ADAMTSL1: variants seen among roughly 807,000 people sequenced by gnomAD.
ADAMTSL1 encodes the protein ADAMTS-like protein 1.
A neutral mutation model predicts 201.8 loss-of-function variants in ADAMTSL1; 126 were observed. The observed-to-expected ratio is 0.62, with a 90% CI of 0.54 to 0.72. The LOEUF (loss-of-function observed/expected upper bound fraction) is 0.72. ADAMTSL1 is among the 30% of genes least tolerant of loss of function. ADAMTSL1 has a pLI of 0.00. For synonymous variants in ADAMTSL1, 1,121 were observed against 903.4 expected, an observed-to-expected ratio of 1.24 and a Z score of -4.32; for missense variants, 2,679 against 2,277.8, an observed-to-expected ratio of 1.18 and a Z score of -3.59.
At chr9:18,477,997 G>A (rs1432638404) in intron 1 of ADAMTSL1, among the ~76,000 whole-genome samples, 1 of 152,168 alleles carries the variant, frequency 6.6e-6, no homozygotes, top group Admixed American at 6.5e-5. Context: ...GAGAGACAAA[G>A]AGAATGAATA....
chr9:18,409,989 G>C (rs1487460373), intron 2 of ADAMTSL1, among the ~76,000 whole-genome samples: 1 of 151,276 alleles, frequency 6.6e-6, no homozygotes, highest in East Asian at 1.9e-4. Flanking sequence ...AAGTATCTTT[G>C]CTTTCTTCCT....
At chr9:17,998,875 G>T (rs1475990109) in intron 1 of ADAMTSL1, among the ~76,000 whole-genome samples, 1 of 151,994 alleles carries the variant, frequency 6.6e-6, no homozygotes, top group African/African-American at 2.4e-5. Flanking sequence ...CAGAAATCAA[G>T]CATATGTTCA....
At chr9:18,723,224 T>C in intron 15 of ADAMTSL1, 3 of 655,798 alleles carry the variant, frequency 4.6e-6, no homozygotes, top group Non-Finnish European at 8.3e-6. Flanking sequence ...ATTCTTTATT[T>C]TGTAGGCAGA....
At chr9:18,860,318 C>T (rs959636380) in intron 23 of ADAMTSL1, among the ~76,000 whole-genome samples, 3 of 152,196 alleles carry the variant, frequency 2.0e-5, no homozygotes, top group African/African-American at 4.8e-5. Flanking sequence ...CTCATACCCT[C>T]GACCAGGGGT....
chr9:18,563,404 C>G (rs992872649), intron 3 of ADAMTSL1, among the ~76,000 whole-genome samples: 1 of 152,138 alleles, frequency 6.6e-6, no homozygotes, highest in African/African-American at 2.4e-5. Flanking sequence ...AGAGGGGCAC[C>G]CACCAGATGC....
At chr9:18,358,976 G>A (rs1836379880) in intron 2 of ADAMTSL1, among the ~76,000 whole-genome samples, 1 of 152,080 alleles carries the variant, frequency 6.6e-6, no homozygotes, top group Non-Finnish European at 1.5e-5. Flanking sequence ...TGGGGTAGGG[G>A]TTGGGAGTGT....
chr9:18,071,560 A>G (rs952739553), intron 1 of ADAMTSL1, among the ~76,000 whole-genome samples: 2 of 152,252 alleles, frequency 1.3e-5, no homozygotes, highest in African/African-American at 2.4e-5. Context: ...GAATGCTAAT[A>G]TACTCAGAGG....
intron 3 of ADAMTSL1, 33 bp from the exon 4 acceptor site, chr9:18,573,997 C>A (rs746973703): frequency 7.6e-6 from 12 of 1,584,798 alleles, no homozygotes; most frequent in South Asian, 3.4e-5. Context: ...ATCCTCCTAA[C>A]CTTTGTATGT....
intron 17 of ADAMTSL1, among the ~76,000 whole-genome samples, chr9:18,772,526 C>G (rs1820755406): frequency 6.6e-6 from 1 of 152,176 alleles, no homozygotes; most frequent in African/African-American, 2.4e-5. Flanking sequence ...AGGTTCAAAT[C>G]CTGACTCTGC....
intron 20 of ADAMTSL1, among the ~76,000 whole-genome samples, chr9:18,797,855 T>C (rs1339757340): frequency 6.6e-6 from 1 of 152,222 alleles, no homozygotes; most frequent in Non-Finnish European, 1.5e-5. Context: ...TTTCTTTCTC[T>C]AGCTCTTCTA....
At chr9:18,328,619 A>T (rs918981668) in intron 2 of ADAMTSL1, among the ~76,000 whole-genome samples, 1 of 152,222 alleles carries the variant, frequency 6.6e-6, no homozygotes, top group African/African-American at 2.4e-5. Flanking sequence ...GCAGTCTGGC[A>T]CTAAAAGATC....
intron 2 of ADAMTSL1, among the ~76,000 whole-genome samples, chr9:18,318,498 G>A (rs1237272874): frequency 6.6e-6 from 1 of 152,188 alleles, no homozygotes; most frequent in Non-Finnish European, 1.5e-5. Flanking sequence ...GATAGACACT[G>A]AAGGTTACAA....
At chr9:18,630,449 G>A (rs1435686469) in intron 5 of ADAMTSL1, among the ~76,000 whole-genome samples, 2 of 152,176 alleles carry the variant, frequency 1.3e-5, no homozygotes, top group African/African-American at 4.8e-5. Context: ...TTGTCCTTCT[G>A]TATAGCTCTC....
chr9:18,068,941 T>C (rs1695226225), intron 1 of ADAMTSL1, among the ~76,000 whole-genome samples: 1 of 152,160 alleles, frequency 6.6e-6, no homozygotes, highest in African/African-American at 2.4e-5. Flanking sequence ...GAGTTTCCAG[T>C]GGAGGTGGTC....
chr9:18,448,491 A>AT (rs1192452990), intron 2 of ADAMTSL1, among the ~76,000 whole-genome samples: 1 of 152,058 alleles, frequency 6.6e-6, no homozygotes, highest in Non-Finnish European at 1.5e-5. Flanking sequence ...CCCTAAAAGA[A>AT]TTTAGAAAAT....
At chr9:18,862,295 A>C (rs1827261704) in intron 23 of ADAMTSL1, among the ~76,000 whole-genome samples, 1 of 152,142 alleles carries the variant, frequency 6.6e-6, no homozygotes, top group Admixed American at 6.5e-5. Context: ...ATCAGAGCAA[A>C]ACTTAGCCTG....
intron 2 of ADAMTSL1, among the ~76,000 whole-genome samples, chr9:18,435,509 G>C (rs577834299): frequency 6.6e-6 from 1 of 152,278 alleles, no homozygotes; most frequent in African/African-American, 2.4e-5. Flanking sequence ...ATATATAGGA[G>C]GGGTTGGAAG....
At chr9:18,523,679 C>A (rs921028414) in intron 2 of ADAMTSL1, among the ~76,000 whole-genome samples, 2 of 146,474 alleles carry the variant, frequency 1.4e-5, no homozygotes, top group African/African-American at 5.1e-5. Context: ...GTTTTCCCAG[C>A]ACCATTTATT....
chr9:18,795,293 G>C, intron 19 of ADAMTSL1, 104 bp from the exon 20 acceptor site: 1 of 1,445,608 alleles, frequency 6.9e-7, no homozygotes, highest in Non-Finnish European at 9.4e-7. Flanking sequence ...GTTAAAACAG[G>C]GTTCTGCATA....
Sources: gnomAD v4.1 joint callset for allele counts (sites outside exome capture counted in the v4.1 genomes callset) on GRCh38, gnomAD v4.1.1 for gene constraint, MANE v1.5 for transcripts, NCBI Gene and HGNC (gene_info 2026-07-23, HGNC 2026-07-21) for gene names.